Variants in B4GALT1 observed in about 807,000 individuals in gnomAD.
B4GALT1 encodes the protein N-acetyllactosamine synthase.
B4GALT1 carries 16 observed loss-of-function variants against 34.9 expected under a neutral mutation model. The observed-to-expected ratio is 0.46, with a 90% CI of 0.31 to 0.70. B4GALT1 has a LOEUF of 0.70. Ranked by LOEUF, B4GALT1 falls within the 30% of genes least tolerant of loss-of-function variation. B4GALT1 has a pLI of 0.05. For missense variants in B4GALT1, 445 were observed against 530.5 expected (o/e 0.84, Z 1.58); for synonymous variants, 221 against 218.1 (o/e 1.01, Z -0.12).
Position 33,135,119 on chromosome 9 carries a change from A to G in B4GALT1, c.648+70T>C, listed in dbSNP as rs1449803587. 3.4e-6 allele frequency: 5 copies of G among 1,460,532 alleles called. No homozygotes were observed. The African/African-American group carries it at 4.2e-5, about 12-fold the overall frequency. The allele number at this position is 1,460,532 out of a possible 1,614,324, so 90.5% of individuals were successfully genotyped here. A position where few individuals can be genotyped will look rare whatever the true frequency, so the allele number is the denominator to read the frequency against. ...AAATCACTCCCCTTCCCCTGCCCTC[A>G]TTACACACACATCTGATACACATCT... On this transcript the variant is annotated intron_variant, in intron 2 of 5. Transcript: ENST00000379731.
chr9:33,143,633 G>A (rs1442652951), intron 1 of B4GALT1, among the ~76,000 whole-genome samples: 1 of 152,258 alleles, frequency 6.6e-6, no homozygotes, highest in East Asian at 1.9e-4. Flanking sequence ...AACAAGCACT[G>A]TAGGTAACTG....
At chr9:33,123,502 T>C (rs1308606149) in intron 2 of B4GALT1, among the ~76,000 whole-genome samples, 2 of 152,020 alleles carry the variant, frequency 1.3e-5, no homozygotes, top group African/African-American at 2.4e-5. Flanking sequence ...TTCAGCCCCG[T>C]TGAGCACTTT....
At chr9:33,143,858 G>A (rs898755365) in intron 1 of B4GALT1, among the ~76,000 whole-genome samples, 2 of 151,200 alleles carry the variant, frequency 1.3e-5, no homozygotes, top group Non-Finnish European at 2.9e-5. Flanking sequence ...TAATAACTAC[G>A]TTGGGACCCA....
rs189438829 is a variant in B4GALT1 at position 33,158,130 on chromosome 9, C to A, written c.412+8628G>T. ...GCATATACAACCAGGTTTTCCCCCCCACTCGCCAAACTGGAATCTAGGAGG... is the reference window on the plus strand; with the variant it reads ...GCATATACAACCAGGTTTTCCCCCCAACTCGCCAAACTGGAATCTAGGAGG... On this transcript the variant is annotated intron_variant, in intron 1 of 5. Transcript: ENST00000379731. Among the ~76,000 whole-genome samples, 37 of 152,264 alleles carry A rather than the reference C, an allele frequency of 2.4e-4. No homozygotes were observed. The East Asian group carries it at 5.8e-3, about 24-fold the overall frequency.
chr9:33,118,504 AT>A (rs200345855), intron 3 of B4GALT1, among the ~76,000 whole-genome samples: 57 of 147,024 alleles, frequency 3.9e-4, no homozygotes, highest in Admixed American at 8.2e-4. Flanking sequence ...AAAAAAAAAA[AT>A]TTTTTTTTTT....
intron 1 of B4GALT1, among the ~76,000 whole-genome samples, chr9:33,146,096 C>G (rs1344227532): frequency 6.6e-6 from 1 of 152,154 alleles, no homozygotes; most frequent in Non-Finnish European, 1.5e-5. Context: ...GACTGGGGGT[C>G]ACAAGCTTTT....
intron 1 of B4GALT1, among the ~76,000 whole-genome samples, chr9:33,139,558 C>T (rs927298626): frequency 1.1e-4 from 17 of 152,150 alleles, no homozygotes; most frequent in Non-Finnish European, 2.1e-4. Flanking sequence ...CTAATTGGGT[C>T]GAGTGCCAGC....
chr9:33,158,881 TAA>T (rs1587750498), intron 1 of B4GALT1, among the ~76,000 whole-genome samples: 1 of 152,188 alleles, frequency 6.6e-6, no homozygotes, highest in Non-Finnish European at 1.5e-5. Flanking sequence ...TAGTTACCAA[TAA>T]AAGTTTGCTG....
intron 3 of B4GALT1, 92 bp downstream of exon 3, chr9:33,120,327 A>G (rs1840002108): frequency 1.4e-6 from 2 of 1,427,210 alleles, no homozygotes; most frequent in African/African-American, 1.4e-5. Context: ...TCCAGAGCTT[A>G]AAGAGGCACT....
chr9:33,182,537 G>C, the B4GALT1 span, among the ~76,000 whole-genome samples: 1 of 152,134 alleles, frequency 6.6e-6, no homozygotes, highest in Non-Finnish European at 1.5e-5. Context: ...GGACTGACCA[G>C]TTATGTAACC....
At chr9:33,105,197 T>C (rs1839786897) in intron 2 of B4GALT1, among the ~76,000 whole-genome samples, 1 of 151,762 alleles carries the variant, frequency 6.6e-6, no homozygotes, top group Non-Finnish European at 1.5e-5. Flanking sequence ...TGGAATGCAA[T>C]GGCCCAATCT....
chr9:33,106,626 T>C (rs1426834833), downstream of B4GALT1, among the ~76,000 whole-genome samples: 1 of 151,992 alleles, frequency 6.6e-6, no homozygotes, highest in African/African-American at 2.4e-5. Flanking sequence ...CCTCACCAGG[T>C]AGAACTTTAA....
At position 33,166,924 on chromosome 9, in the gene B4GALT1, G is replaced by A; in HGVS notation, c.246C>T (p.Ala82=). 1.9e-6 allele frequency: 3 copies of A among 1,571,326 alleles called. No homozygotes were observed. Among genetic ancestry groups the A allele is most frequent in the African/African-American group, 1.3e-5 (1 of 74,544 alleles). ...QSSGELRTGG[A]RPPPPLGASS... is the part of the protein sequence containing the mutation. The stretch of plus-strand genomic sequence containing the variant: ...AGGCGCCTAGAGGAGGCGGCGGCCG[G>A]GCCCCTCCGGTCCGGAGCTCCCCGG... Residue 82 remains alanine, a synonymous_variant, in exon 1 of 6, where the codon GCC becomes GCT. Coordinates refer to ENST00000379731, the MANE Select transcript of B4GALT1 (RefSeq NM_001497.4).
intron 3 of B4GALT1, among the ~76,000 whole-genome samples, chr9:33,116,325 G>T (rs1346060065): frequency 6.6e-6 from 1 of 150,694 alleles, no homozygotes. Flanking sequence ...TCCGCCTCCC[G>T]GGTTCAAGCG....
intron 1 of B4GALT1, among the ~76,000 whole-genome samples, chr9:33,159,527 A>G (rs1840645509): frequency 6.6e-6 from 1 of 152,186 alleles, no homozygotes; most frequent in Non-Finnish European, 1.5e-5. Context: ...GTAACTTCAA[A>G]GTATACTCCT....
At chr9:33,173,594 G>GTA in the B4GALT1 span, among the ~76,000 whole-genome samples, 1 of 45,298 alleles carries the variant, frequency 2.2e-5, no homozygotes, top group Non-Finnish European at 7.1e-5. Flanking sequence ...TAAGAATGGT[G>GTA]TGTGTGTGTG....
chr9:33,160,702 G>A (rs1033959671), intron 1 of B4GALT1, among the ~76,000 whole-genome samples: 7 of 152,078 alleles, frequency 4.6e-5, no homozygotes, highest in African/African-American at 1.4e-4. Flanking sequence ...AGAGGTCGAG[G>A]CTGCAGTGAG....
intron 1 of B4GALT1, among the ~76,000 whole-genome samples, chr9:33,166,016 T>C (rs1262803513): frequency 1.3e-5 from 2 of 152,136 alleles, no homozygotes; most frequent in Non-Finnish European, 2.9e-5. Flanking sequence ...TCTCTGCCCC[T>C]GGGAGAGATC....
intron 1 of B4GALT1, among the ~76,000 whole-genome samples, chr9:33,136,763 C>G (rs976019540): frequency 1.3e-5 from 2 of 152,198 alleles, no homozygotes; most frequent in African/African-American, 4.8e-5. Context: ...AAGGAAGGAA[C>G]CTAGAGAACA....
Sources: allele counts gnomAD v4.1 joint callset (sites outside exome capture counted in the v4.1 genomes callset), GRCh38; gene constraint gnomAD v4.1.1; transcripts MANE v1.5; gene names NCBI Gene and HGNC (gene_info 2026-07-23, HGNC 2026-07-21).